Variants in DSE observed in about 807,000 individuals in gnomAD.
DSE encodes dermatan-sulfate epimerase.
Under a neutral mutation model 84.4 loss-of-function variants are expected in DSE, and 36 were observed. The observed-to-expected ratio is 0.43, with a 90% CI of 0.33 to 0.56. The LOEUF is 0.56. Ranked by LOEUF, DSE falls within the 20% of genes least tolerant of loss-of-function variation. The probability of loss-of-function intolerance (pLI) is 0.06; values close to 1 mark genes in which losing one functional copy is unlikely to be tolerated. For synonymous variants in DSE, 410 were observed against 430.1 expected, an observed-to-expected ratio of 0.95 and a Z score of 0.58; for missense variants, 862 against 1,169.6, an observed-to-expected ratio of 0.74 and a Z score of 3.84.
chr6:116,287,384 A>G (rs1284704998), intron 2 of DSE, among the ~76,000 whole-genome samples: 1 of 152,084 alleles, frequency 6.6e-6, no homozygotes, highest in African/African-American at 2.4e-5. Context: ...ATTTCTGTCT[A>G]AAGCCTAAAA....
intron 2 of DSE, among the ~76,000 whole-genome samples, chr6:116,361,595 G>A (rs775380906): frequency 1.3e-5 from 2 of 152,102 alleles, no homozygotes; most frequent in Non-Finnish European, 2.9e-5. Flanking sequence ...GTTTGAGGTT[G>A]TAGTGAGCTA....
intron 1 of DSE, among the ~76,000 whole-genome samples, chr6:116,393,363 C>T (rs1185820522): frequency 1.3e-5 from 2 of 152,122 alleles, no homozygotes; most frequent in African/African-American, 4.8e-5. Flanking sequence ...AACTAAGTCT[C>T]TAATAAGCAG....
intron 2 of DSE, among the ~76,000 whole-genome samples, chr6:116,296,801 A>G (rs940927544): frequency 1.3e-5 from 2 of 152,200 alleles, no homozygotes; most frequent in African/African-American, 4.8e-5. Flanking sequence ...TCTAGTTACA[A>G]TGAGAATCTG....
chr6:116,276,354 T>C (rs951168931), intron 2 of DSE, among the ~76,000 whole-genome samples: 3 of 152,074 alleles, frequency 2.0e-5, no homozygotes, highest in Non-Finnish European at 4.4e-5. Flanking sequence ...GAGACAGAAA[T>C]GGAGGATTTG....
At chr6:116,407,422 A>T (rs957428722) in intron 2 of DSE, among the ~76,000 whole-genome samples, 1 of 152,136 alleles carries the variant, frequency 6.6e-6, no homozygotes, top group Non-Finnish European at 1.5e-5. Flanking sequence ...CACTTTGTTG[A>T]TACTGCCAAC....
chr6:116,285,414 A>T (rs1470334983), intron 2 of DSE, among the ~76,000 whole-genome samples: 1 of 152,138 alleles, frequency 6.6e-6, no homozygotes, highest in East Asian at 1.9e-4. Flanking sequence ...TAGATTCTGG[A>T]TACTAGCCCT....
At chr6:116,422,024 A>G (rs968210104) in intron 2 of DSE, among the ~76,000 whole-genome samples, 1 of 152,170 alleles carries the variant, frequency 6.6e-6, no homozygotes, top group African/African-American at 2.4e-5. Flanking sequence ...TTCAGTATAG[A>G]ATCTGAAGCC....
At chr6:116,398,005 G>T (rs1262375592) in intron 1 of DSE, among the ~76,000 whole-genome samples, 3 of 152,114 alleles carry the variant, frequency 2.0e-5, no homozygotes, top group African/African-American at 7.2e-5. Context: ...AATATGATGA[G>T]GCAGTTTTTC....
chr6:116,366,327 A>G (rs978829332), upstream of DSE: 2 of 152,224 alleles, frequency 1.3e-5, no homozygotes, highest in African/African-American at 2.4e-5. Flanking sequence ...CACAGCCACA[A>G]TCTGAAAATT....
intron 2 of DSE, among the ~76,000 whole-genome samples, chr6:116,360,743 A>T (rs1399342300): frequency 6.6e-6 from 1 of 152,202 alleles, no homozygotes; most frequent in African/African-American, 2.4e-5. Flanking sequence ...GATGATAGTT[A>T]ATTTTGATTC....
chr6:116,286,600 AC>A (rs1310101293), intron 2 of DSE, among the ~76,000 whole-genome samples: 1 of 152,190 alleles, frequency 6.6e-6, no homozygotes, highest in Non-Finnish European at 1.5e-5. Context: ...AAATAGAAAA[AC>A]ATCAATATAA....
intron 2 of DSE, among the ~76,000 whole-genome samples, chr6:116,322,607 A>AT (rs1239061522): frequency 1.3e-5 from 2 of 151,124 alleles, no homozygotes; most frequent in African/African-American, 2.4e-5. Context: ...ACCTGGAGTG[A>AT]TTTTTTAGGT....
intron 2 of DSE, among the ~76,000 whole-genome samples, chr6:116,331,887 G>A (rs1451050999): frequency 6.6e-6 from 1 of 152,132 alleles, no homozygotes; most frequent in Non-Finnish European, 1.5e-5. Flanking sequence ...AACCCGAGAG[G>A]CGGAGGTTGC....
chr6:116,386,018 C>T (rs1471535426), intron 1 of DSE, among the ~76,000 whole-genome samples: 3 of 152,274 alleles, frequency 2.0e-5, no homozygotes, highest in Non-Finnish European at 4.4e-5. Context: ...AAATTACTTT[C>T]CAATGAACTT....
chr6:116,392,586 A>G (rs904467538), intron 1 of DSE, among the ~76,000 whole-genome samples: 3 of 151,974 alleles, frequency 2.0e-5, no homozygotes, highest in African/African-American at 7.3e-5. Flanking sequence ...TATGATTACA[A>G]CTCAGTTTTT....
At chr6:116,294,999 A>T (rs973224347) in intron 2 of DSE, among the ~76,000 whole-genome samples, 1 of 152,188 alleles carries the variant, frequency 6.6e-6, no homozygotes, top group East Asian at 1.9e-4. Context: ...GACACTGTTC[A>T]TGCCCTCGAG....
chr6:116,315,874 C>T (rs148412353), intron 2 of DSE, among the ~76,000 whole-genome samples: 120 of 152,196 alleles, frequency 7.9e-4, no homozygotes, highest in African/African-American at 2.8e-3. Context: ...CCTGTAATCC[C>T]AGCTACTCAG....
At chr6:116,368,467 C>A (rs545603184), upstream of DSE, among the ~76,000 whole-genome samples, 10 of 152,324 alleles carry the variant, frequency 6.6e-5, no homozygotes, top group Non-Finnish European at 1.2e-4. Flanking sequence ...AGCTAAGAGG[C>A]CTAATTTAAC....
chr6:116,262,697 T>G (rs1433401060), intron 2 of DSE, among the ~76,000 whole-genome samples: 3 of 152,210 alleles, frequency 2.0e-5, no homozygotes, highest in African/African-American at 7.2e-5. Context: ...CTTCTAGTTG[T>G]GATATTAGGT....
Sources: allele counts gnomAD v4.1 joint callset (sites outside exome capture counted in the v4.1 genomes callset), GRCh38; gene constraint gnomAD v4.1.1; transcripts MANE v1.5; gene names NCBI Gene and HGNC (gene_info 2026-07-23, HGNC 2026-07-21).